The following TBCK variants were observed in gnomAD, a reference collection of about 807,000 sequenced individuals.
TBCK encodes the protein TBC domain-containing protein kinase-like protein.
Under a neutral mutation model 113.4 loss-of-function variants are expected in TBCK, and 99 were observed. The observed-to-expected ratio is 0.87, with a 90% CI of 0.74 to 1.03. The LOEUF (loss-of-function observed/expected upper bound fraction) is 1.03. Ranked by LOEUF, TBCK falls within the 50% of genes least tolerant of loss-of-function variation. The pLI is 0.00. For missense variants in TBCK, 1,045 were observed against 1,061.3 expected, an observed-to-expected ratio of 0.98 and a Z score of 0.21; for synonymous variants, 369 against 370.8, an observed-to-expected ratio of 1.00 and a Z score of 0.05.
intron 23 of TBCK, among the ~76,000 whole-genome samples, chr4:106,118,785 T>C (rs1743882720): frequency 6.6e-6 from 1 of 152,206 alleles, no homozygotes; most frequent in Non-Finnish European, 1.5e-5. Flanking sequence ...TAAATAAAGA[T>C]TTGACCTAAG....
chr4:106,120,117 C>A (rs1174428765), intron 23 of TBCK, among the ~76,000 whole-genome samples: 2 of 152,116 alleles, frequency 1.3e-5, no homozygotes, highest in African/African-American at 2.4e-5. Flanking sequence ...GCGCACCGTG[C>A]GCGAGCCGAA....
intron 25 of TBCK, among the ~76,000 whole-genome samples, chr4:106,073,180 T>C (rs1737698186): frequency 6.6e-6 from 1 of 152,214 alleles, no homozygotes; most frequent in African/African-American, 2.4e-5. Context: ...GGAGAGGTGC[T>C]CTGGTTTTTA....
chr4:106,068,515 A>G (rs554397103), intron 25 of TBCK, among the ~76,000 whole-genome samples: 5 of 152,172 alleles, frequency 3.3e-5, no homozygotes, highest in African/African-American at 4.8e-5. Flanking sequence ...TTCATGGTGT[A>G]TATGTGCCAC....
At chr4:106,200,706 C>T (rs1241650818) in intron 20 of TBCK, among the ~76,000 whole-genome samples, 15 of 151,910 alleles carry the variant, frequency 9.9e-5, no homozygotes, top group African/African-American at 3.6e-4. Context: ...ATATTTTTGT[C>T]TATCTCTTAT....
intron 24 of TBCK, among the ~76,000 whole-genome samples, chr4:106,106,822 C>T (rs916616276): frequency 1.3e-5 from 2 of 151,908 alleles, no homozygotes; most frequent in African/African-American, 4.8e-5. Context: ...GTGAAAATAC[C>T]CCACTTAAAA....
At chr4:106,235,728 G>A (rs539912152) in intron 14 of TBCK, among the ~76,000 whole-genome samples, 1 of 152,062 alleles carries the variant, frequency 6.6e-6, no homozygotes, top group African/African-American at 2.4e-5. Context: ...TGTTAAAAAC[G>A]TGGTGATAGA....
At chr4:106,210,936 A>G (rs978220380) in intron 20 of TBCK, among the ~76,000 whole-genome samples, 12 of 151,966 alleles carry the variant, frequency 7.9e-5, no homozygotes, top group African/African-American at 2.7e-4. Flanking sequence ...ATGTCTAAGG[A>G]TTTTTATTGG....
chr4:106,151,055 T>C lies in TBCK; in HGVS notation c.2235+20040A>G, dbSNP rs549864356. 5.5e-4 allele frequency among the ~76,000 whole-genome samples: 83 copies of C among 152,126 alleles called. No individual in the cohort carries two copies. The Middle Eastern group carries it at 0.017, about 31-fold the overall frequency. On this transcript the variant is annotated intron_variant, in intron 23 of 25. Transcript: ENST00000394708. ...AAAACTTTTATTTTTTATTTTTCAT[T>C]TTTTAATTTTTGTGAGTCCATAGTA...
chr4:106,279,807 C>G (rs924019246), intron 3 of TBCK, among the ~76,000 whole-genome samples: 5 of 152,108 alleles, frequency 3.3e-5, no homozygotes, highest in African/African-American at 1.2e-4. Context: ...TGTATATGTA[C>G]CATATTTTCT....
At chr4:106,068,027 G>A (rs1232552596) in intron 25 of TBCK, among the ~76,000 whole-genome samples, 1 of 151,908 alleles carries the variant, frequency 6.6e-6, no homozygotes, top group Non-Finnish European at 1.5e-5. Flanking sequence ...AATGCAATTG[G>A]GATTTTTATA....
Position 106,092,548 on chromosome 4 carries a change from G to A in TBCK, c.2571+2934C>T, listed in dbSNP as rs182521443. On this transcript the variant is annotated intron_variant, in intron 25 of 25. Transcript: ENST00000394708. ...CTGCAGGTCCCGAGCCCTGCCCTGC[G>A]GGCAGGCAGCTAAGGCCCGGTGAGA... Among the ~76,000 whole-genome samples, 1,277 of 152,322 alleles carry A rather than the reference G, an allele frequency of 8.4e-3. 14 individuals carry two copies. The highest frequency in any genetic ancestry group is 0.027 in the African/African-American group (1,140 of 41,578).
chr4:106,078,571 A>G lies in TBCK; in HGVS notation c.2571+16911T>C, dbSNP rs920750183. ...ATTCCTGGAAACACATAGCCTTCTA[A>G]GATTGAACCAGGAAGAAATTACAAT... On this transcript the variant is annotated intron_variant, in intron 25 of 25. Coordinates refer to ENST00000394708, the MANE Select transcript of TBCK (RefSeq NM_001163435.3). 3.3e-5 allele frequency among the ~76,000 whole-genome samples: 5 copies of G among 152,294 alleles called. No individual in the cohort carries two copies. The South Asian group carries it at 6.2e-4, about 19-fold the overall frequency.
At chr4:106,281,347 T>C (rs1764574458) in intron 3 of TBCK, among the ~76,000 whole-genome samples, 1 of 152,028 alleles carries the variant, frequency 6.6e-6, no homozygotes, top group Non-Finnish European at 1.5e-5. Flanking sequence ...AAATATAAGA[T>C]CATATTATCT....
At chr4:106,275,497 C>T (rs954972102) in intron 3 of TBCK, among the ~76,000 whole-genome samples, 20 of 151,976 alleles carry the variant, frequency 1.3e-4, no homozygotes, top group Non-Finnish European at 7.4e-5. Context: ...TTCTATTCAA[C>T]AATGATATGG....
chr4:106,144,643 T>C (rs1747544306), intron 23 of TBCK, among the ~76,000 whole-genome samples: 1 of 152,170 alleles, frequency 6.6e-6, no homozygotes, highest in Non-Finnish European at 1.5e-5. Context: ...CTGTTCTTTT[T>C]AAAAAAATGA....
chr4:106,209,814 T>G (rs981105445), intron 20 of TBCK, among the ~76,000 whole-genome samples: 1 of 152,086 alleles, frequency 6.6e-6, no homozygotes, highest in Non-Finnish European at 1.5e-5. Context: ...ATCTTTAAGT[T>G]TTTATATTTA....
intron 20 of TBCK, among the ~76,000 whole-genome samples, chr4:106,207,970 A>C (rs529337804): frequency 6.6e-6 from 1 of 152,302 alleles, no homozygotes; most frequent in South Asian, 2.1e-4. Context: ...CATGTGAATT[A>C]ATTACTCAGA....
chr4:106,223,000 G>C (rs968830785), intron 19 of TBCK, among the ~76,000 whole-genome samples: 6 of 151,988 alleles, frequency 3.9e-5, no homozygotes, highest in African/African-American at 1.2e-4. Flanking sequence ...CCACTTAATA[G>C]TTATCATAAT....
intron 1 of TBCK, among the ~76,000 whole-genome samples, chr4:106,312,796 T>C (rs950335092): frequency 6.6e-6 from 1 of 152,034 alleles, no homozygotes; most frequent in Non-Finnish European, 1.5e-5. Context: ...CTCAAAAACA[T>C]AAAGTTTATG....
Sources: allele counts gnomAD v4.1 joint callset (sites outside exome capture counted in the v4.1 genomes callset), GRCh38; gene constraint gnomAD v4.1.1; transcripts MANE v1.5; gene names NCBI Gene and HGNC (gene_info 2026-07-23, HGNC 2026-07-21).